PGR: variants seen among roughly 807,000 people sequenced by gnomAD.
PGR encodes progesterone receptor.
Under a neutral mutation model 76.1 loss-of-function variants are expected in PGR, and 25 were observed. The observed-to-expected ratio is 0.33, with a 90% confidence interval of 0.24 to 0.46. PGR has a LOEUF of 0.46. Ranked by LOEUF, PGR falls within the 20% of genes least tolerant of loss-of-function variation. PGR has a pLI of 1.00. For synonymous variants in PGR, 579 were observed against 535.0 expected, an observed-to-expected ratio of 1.08 and a Z score of -1.14; for missense variants, 1,172 against 1,225.3, an observed-to-expected ratio of 0.96 and a Z score of 0.65.
intron 2 of PGR, among the ~76,000 whole-genome samples, chr11:101,098,540 A>C (rs1861905806): frequency 1.3e-5 from 2 of 152,210 alleles, no homozygotes; most frequent in Non-Finnish European, 2.9e-5. Context: ...TACTGGATAA[A>C]ATATAATAGA....
intron 3 of PGR, among the ~76,000 whole-genome samples, chr11:101,070,734 T>C (rs908028554): frequency 1.3e-5 from 2 of 152,192 alleles, no homozygotes; most frequent in Admixed American, 6.5e-5. Context: ...CAGAGCCCAC[T>C]GCAGCATGGC....
chr11:101,039,618 C>A (rs1859631552), intron 7 of PGR, among the ~76,000 whole-genome samples: 1 of 151,904 alleles, frequency 6.6e-6, no homozygotes, highest in Non-Finnish European at 1.5e-5. Flanking sequence ...CAATATTACA[C>A]ATGTTTCATA....
intron 3 of PGR, among the ~76,000 whole-genome samples, chr11:101,080,742 A>T (rs988784098): frequency 6.6e-6 from 1 of 152,146 alleles, no homozygotes; most frequent in Non-Finnish European, 1.5e-5. Flanking sequence ...CTTCTAAAGC[A>T]ATCTAGGAAA....
At chr11:101,123,955 T>G (rs1862760270) in intron 2 of PGR, among the ~76,000 whole-genome samples, 1 of 152,238 alleles carries the variant, frequency 6.6e-6, no homozygotes, top group Non-Finnish European at 1.5e-5. Flanking sequence ...TATCAGCTCA[T>G]TTAATCTTTA....
rs370546046 is a variant in PGR, at chr11:101,116,566, C to T, written c.1789+9441G>A. ...ACCAATCTGGTCAACACGGTGAAAC[C>T]CTGTCTCTACTAAAAATAAAAAAAT... On this transcript the variant is annotated intron_variant, in intron 2 of 7. Coordinates refer to ENST00000325455, the MANE Select transcript of PGR (RefSeq NM_000926.4). Among the ~76,000 whole-genome samples the T allele has an allele frequency of 9.2e-5, 14 of 151,900 alleles. 1 individual carries two copies. The highest frequency in any genetic ancestry group is 5.8e-4 in the East Asian group (3 of 5,170).
rs1260383886 is a variant in PGR, at chr11:101,038,115, A to G, written c.*1001T>C. The G allele has an allele frequency of 5.1e-6, 1 of 194,744 alleles. No individual in the cohort carries two copies. Among genetic ancestry groups the G allele is most frequent in the Non-Finnish European group, 1.1e-5 (1 of 93,582 alleles). 12.1% of individuals were successfully genotyped at this position (194,744 alleles called of 1,614,324 possible). ...AAAAGATTTGCATGGCTGAAACATAATATGAATTCATGATAGTGGAGGATA... is the reference window on the plus strand; with the variant it reads ...AAAAGATTTGCATGGCTGAAACATAGTATGAATTCATGATAGTGGAGGATA... On this transcript the variant is annotated 3_prime_UTR_variant, in exon 8 of 8. Transcript: ENST00000325455.
chr11:101,051,804 C>T (rs1434572507), intron 4 of PGR, among the ~76,000 whole-genome samples: 1 of 152,070 alleles, frequency 6.6e-6, no homozygotes, highest in African/African-American at 2.4e-5. Flanking sequence ...TGGGATTTTG[C>T]TAAGTGAATC....
intron 4 of PGR, among the ~76,000 whole-genome samples, chr11:101,059,077 T>C (rs1860391921): frequency 6.6e-6 from 1 of 152,102 alleles, no homozygotes; most frequent in Non-Finnish European, 1.5e-5. Flanking sequence ...GCTGGTTTAA[T>C]GCATTATTCA....
chr11:101,112,347 A>G (rs1862369156), intron 2 of PGR, among the ~76,000 whole-genome samples: 2 of 152,160 alleles, frequency 1.3e-5, no homozygotes, highest in African/African-American at 4.8e-5. Flanking sequence ...AGAGAAGGGG[A>G]AAAATGATTT....
chr11:101,127,716 G>A lies in PGR; in HGVS notation c.1355C>T (p.Ser452Phe). ...GCACTCCAGGGTCGACCCCGAGGAG[G>A]ACGCAGACGAGACTGAGGCACTGGC... ...APASASVSSA[S>F]SSGSTLECIL... The change falls in exon 1 of 8, where the codon TCC becomes TTC. Residue 452 changes from serine to phenylalanine, a missense_variant. Physicochemically the swap from Ser to Phe is radical, Grantham distance 155 (BLOSUM62 -2). This residue lies in a region of PGR where 893 missense variants were observed against 785.9 expected (regional missense o/e 1.14). Coordinates refer to ENST00000325455, the MANE Select transcript of PGR (RefSeq NM_000926.4). 1.9e-6 allele frequency: 3 copies of A among 1,585,400 alleles called. No homozygotes were observed. Among genetic ancestry groups the A allele is most frequent in the East Asian group, 2.3e-5 (1 of 44,226 alleles).
At chr11:101,103,138 T>C (rs534455791) in intron 2 of PGR, among the ~76,000 whole-genome samples, 1 of 151,612 alleles carries the variant, frequency 6.6e-6, no homozygotes, top group Admixed American at 6.6e-5. Flanking sequence ...GCAGGAGAAA[T>C]GATAATGTAT....
In PGR at chr11:101,127,645, C is replaced by G. The variant is rs1862902341; in HGVS notation, c.1426G>C (p.Ala476Pro). The G allele has an allele frequency of 1.4e-6, 2 of 1,411,674 alleles. No individual in the cohort carries two copies. The highest frequency in any genetic ancestry group is 3.2e-5 in the South Asian group (2 of 63,042). The allele number at this position is 1,411,674 out of a possible 1,614,324, so 87.4% of individuals were successfully genotyped here. The change falls in exon 1 of 8, where the codon GCG becomes CCG. Residue 476 changes from alanine to proline, a missense_variant. Transcript: ENST00000325455. ...CCCGGCGCCTTGCAGGGCGGCGGCG[C>G]GAACGGGCCCTGCTGGGGCGGCGCG... ...EGAPPQQGPFAPPPCKAPGAS... is the reference protein window; with the variant it reads ...EGAPPQQGPFPPPPCKAPGAS...
At chr11:101,106,766 A>T (rs1272263252) in intron 2 of PGR, among the ~76,000 whole-genome samples, 2 of 152,160 alleles carry the variant, frequency 1.3e-5, no homozygotes, top group East Asian at 3.9e-4. Flanking sequence ...ACAGGCACAC[A>T]TATGTTTACT....
intron 1 of PGR, 86 bp from the exon 2 acceptor site, chr11:101,126,244 G>A (rs755049769): frequency 1.5e-4 from 189 of 1,283,274 alleles, no homozygotes; most frequent in Non-Finnish European, 1.9e-4. Flanking sequence ...TATTAACAGG[G>A]TGAAAGGAGA....
At chr11:101,089,262 T>C (rs1861597829) in intron 3 of PGR, among the ~76,000 whole-genome samples, 1 of 152,158 alleles carries the variant, frequency 6.6e-6, no homozygotes, top group Non-Finnish European at 1.5e-5. Flanking sequence ...CACATAATCA[T>C]TTATGGTATA....
At chr11:101,088,503 T>C (rs1861569372) in intron 3 of PGR, among the ~76,000 whole-genome samples, 1 of 152,080 alleles carries the variant, frequency 6.6e-6, no homozygotes, top group South Asian at 2.1e-4. Flanking sequence ...GGCTAATTTT[T>C]TTGTGTTTTT....
chr11:101,106,489 G>A lies in PGR; in HGVS notation c.1790-14613C>T, dbSNP rs185397259. 4.7e-4 allele frequency among the ~76,000 whole-genome samples: 72 copies of A among 152,286 alleles called. No individual in the cohort carries two copies. In the East Asian group the frequency reaches 7.7e-3, roughly 16 times the overall value. ...ATGCTCATCATCACTAGTCATTAGA[G>A]AAATGCAAATCAAAATCACAATAAG... On this transcript the variant is annotated intron_variant, in intron 2 of 7. Coordinates refer to ENST00000325455, the MANE Select transcript of PGR (RefSeq NM_000926.4).
intron 3 of PGR, among the ~76,000 whole-genome samples, chr11:101,089,224 GTCTAATACAC>G (rs1041496910): frequency 3.3e-4 from 50 of 151,958 alleles, no homozygotes; most frequent in African/African-American, 1.1e-3. Flanking sequence ...GAAAAAAATG[GTCTAATACAC>G]TCTTTCCCAG....
At chr11:101,113,486 G>A (rs1386464577) in intron 2 of PGR, among the ~76,000 whole-genome samples, 2 of 151,270 alleles carry the variant, frequency 1.3e-5, no homozygotes, top group Non-Finnish European at 1.5e-5. Flanking sequence ...TAGCCAGGAT[G>A]GTCACGATCT....
Sources: allele counts gnomAD v4.1 joint callset (sites outside exome capture counted in the v4.1 genomes callset), GRCh38; gene constraint gnomAD v4.1.1; regional missense constraint gnomAD v4.1.1; transcripts MANE v1.5; gene names NCBI Gene and HGNC (gene_info 2026-07-23, HGNC 2026-07-21).